The following KCTD14 variants were observed in gnomAD, a reference collection of about 807,000 sequenced individuals.
KCTD14 encodes the protein potassium channel tetramerization domain containing 14, also known as BTB/POZ domain-containing protein KCTD14.
A neutral mutation model predicts 5.9 loss-of-function variants in KCTD14; 7 were observed. The observed-to-expected ratio is 1.19, with a 90% CI of 0.68 to 2.23. The LOEUF is 2.23. Ranked by LOEUF, KCTD14 falls within the 30% of genes most tolerant of loss-of-function variation. The pLI, the probability that KCTD14 is intolerant of heterozygous loss-of-function variation, is 0.00. For missense variants in KCTD14, 342 were observed against 332.2 expected (o/e 1.03, Z -0.23); for synonymous variants, 140 against 133.1 (o/e 1.05, Z -0.36).
intron 1 of KCTD14, among the ~76,000 whole-genome samples, chr11:78,043,094 C>T (rs1006594295): frequency 6.6e-6 from 1 of 152,156 alleles, no homozygotes; most frequent in African/African-American, 2.4e-5. Context: ...AGTGATCCAC[C>T]TGCCTTGGCC....
chr11:78,038,874 G>A (rs1346082248), intron 1 of KCTD14: 1 of 1,211,894 alleles, frequency 8.3e-7, no homozygotes, highest in Non-Finnish European at 1.1e-6. Flanking sequence ...GAACTGGATG[G>A]CTACTGCTGC....
chr11:78,024,380 CA>C (rs56296835), upstream of KCTD14, among the ~76,000 whole-genome samples: 6,047 of 122,818 alleles, frequency 0.049, 381 homozygotes, highest in African/African-American at 0.16. Flanking sequence ...GATTCCCTCT[CA>C]AAAAAAAAAA....
In KCTD14 at chr11:78,016,927, T is replaced by A. The variant is rs759478547; in HGVS notation, c.434A>T (p.Tyr145Phe). The A allele has an allele frequency of 6.2e-7, 1 of 1,614,252 alleles. No individual in the cohort carries two copies. The highest frequency in any genetic ancestry group is 1.1e-5 in the South Asian group (1 of 91,088). Reference sequence around the variant, plus strand: ...CACCATGAGCTCCAGGTTCTCGCTGTAGCCCGGCACTTGCAGCAAAAACTG... The same window carrying A: ...CACCATGAGCTCCAGGTTCTCGCTGAAGCCCGGCACTTGCAGCAAAAACTG... ...RKQFLLQVPGYSENLELMVRL... is the reference protein window; with the variant it reads ...RKQFLLQVPGFSENLELMVRL... The change falls in exon 2 of 2, where the codon TAC (tyrosine) becomes TTC (phenylalanine). Residue 145 changes from tyrosine to phenylalanine, a missense_variant. Coordinates refer to ENST00000353172, the MANE Select transcript of KCTD14 (RefSeq NM_023930.4).
At chr11:78,035,509 G>T (rs903049815) in intron 2 of KCTD14, among the ~76,000 whole-genome samples, 7 of 151,974 alleles carry the variant, frequency 4.6e-5, no homozygotes, top group African/African-American at 1.7e-4. Flanking sequence ...ACTATCTCTT[G>T]TTACTCTCCC....
upstream of KCTD14, chr11:78,023,305 A>G: frequency 6.4e-7 from 1 of 1,566,628 alleles, no homozygotes; most frequent in Non-Finnish European, 8.7e-7. Flanking sequence ...AGGTGGGAAC[A>G]CCGAGGCTCA....
rs144437366 is a variant in KCTD14, at chr11:78,044,119, G to A, written c.-96+1942C>T. On this transcript the variant is annotated intron_variant, in intron 1 of 2. Coordinates refer to the KCTD14 transcript ENST00000533144. ...AATTTCTCTGGACAGAGTTGTCAAC[G>A]TGCTCCCTCAGCCTGTTCCCCAGCC... Among the ~76,000 whole-genome samples, 174 of 152,228 alleles carry A rather than the reference G, an allele frequency of 1.1e-3. 1 individual carries two copies. The highest frequency in any genetic ancestry group is 4.1e-3 in the African/African-American group (170 of 41,554).
upstream of KCTD14, chr11:78,023,290 C>T (rs1414672632): frequency 6.3e-7 from 1 of 1,596,264 alleles, no homozygotes. Flanking sequence ...TGGCTGCCCG[C>T]CCCTAGGTGG....
chr11:78,044,330 G>A (rs1481835779), intron 1 of KCTD14, among the ~76,000 whole-genome samples: 2 of 152,284 alleles, frequency 1.3e-5, no homozygotes, highest in Non-Finnish European at 2.9e-5. Context: ...TGTGCTTCCT[G>A]TGACCCACAT....
At position 78,016,652 on chromosome 11, in the gene KCTD14, G is replaced by T. The variant is rs1174087242; in HGVS notation, c.709C>A (p.Pro237Thr). The change falls in exon 2 of 2, where the codon CCC becomes ACC. Residue 237 changes from proline (P) to threonine (T), a missense_variant. By Grantham distance (38) the Pro-to-Thr change is conservative (BLOSUM62 -1). Transcript: ENST00000353172. ...KVFSKFYLTY[P>T]TKRNEFHFNI... Reference sequence around the variant, plus strand: ...AAATGGAATTCGTTTCTTTTGGTGGGGTACGTCAGGTAGAACTTGGAGAAT... The same window carrying T: ...AAATGGAATTCGTTTCTTTTGGTGGTGTACGTCAGGTAGAACTTGGAGAAT... 6.2e-7 allele frequency: 1 copy of T among 1,614,104 alleles called. No individual in the cohort carries two copies. The highest frequency in any genetic ancestry group is 1.7e-5 in the Admixed American group (1 of 60,016).
rs186742761 is a variant in KCTD14 at position 78,028,586 on chromosome 11, G to C, written c.-1+10078C>G. Among the ~76,000 whole-genome samples, 35 of 140,630 alleles carry C rather than the reference G, an allele frequency of 2.5e-4. 1 individual carries two copies. The highest frequency in any genetic ancestry group is 9.5e-4 in the African/African-American group (35 of 36,792). 92.3% of individuals were successfully genotyped at this position (140,630 alleles called of 152,430 possible). ...CCACTGCATTCCAGCTTTGGCAATA[G>C]AGCAAGTGTCCATCTCAAAAAAAAA... is the stretch of plus-strand genomic sequence containing the variant. On this transcript the variant is annotated intron_variant, in intron 2 of 2. Transcript: ENST00000533144.
upstream of KCTD14, among the ~76,000 whole-genome samples, chr11:78,027,840 A>T (rs1248422176): frequency 6.6e-6 from 1 of 152,138 alleles, no homozygotes; most frequent in African/African-American, 2.4e-5. Flanking sequence ...CTTCAGAGAG[A>T]ATAGATTGCA....
intron 2 of KCTD14, among the ~76,000 whole-genome samples, chr11:78,037,696 G>C (rs1428080778): frequency 2.0e-5 from 3 of 152,152 alleles, no homozygotes; most frequent in African/African-American, 7.2e-5. Context: ...GTGGGTGCCT[G>C]TAATCCCAGC....
chr11:78,034,485 C>T (rs1419820702), intron 2 of KCTD14, among the ~76,000 whole-genome samples: 1 of 152,000 alleles, frequency 6.6e-6, no homozygotes, highest in Non-Finnish European at 1.5e-5. Context: ...CTCTGCCTCT[C>T]TCCTCTCTCT....
upstream of KCTD14, among the ~76,000 whole-genome samples, chr11:78,025,116 G>A (rs71469601): frequency 0.059 from 3,955 of 67,284 alleles, 114 homozygotes; most frequent in Non-Finnish European, 0.078. Flanking sequence ...GTGTGTGTGT[G>A]TGTATATATA....
At chr11:78,027,720 A>G (rs1014593295), upstream of KCTD14, among the ~76,000 whole-genome samples, 5 of 152,092 alleles carry the variant, frequency 3.3e-5, no homozygotes, top group Admixed American at 6.6e-5. Context: ...CTGCTTGCCA[A>G]TGGGTTATTA....
intron 2 of KCTD14, among the ~76,000 whole-genome samples, chr11:78,031,973 T>C (rs1360784219): frequency 1.3e-5 from 2 of 152,206 alleles, no homozygotes; most frequent in African/African-American, 4.8e-5. Flanking sequence ...GGTGAACCAA[T>C]GTGTCCTCCT....
rs1440847789 is a variant in KCTD14 at position 78,016,896 on chromosome 11, C to T, written c.465G>A (p.Leu155=). The change falls in exon 2 of 2, where the codon CTG becomes CTA. Residue 155 remains leucine (L), a synonymous_variant. Transcript: ENST00000353172. The stretch of plus-strand genomic sequence containing the variant: ...GTGCTGTTATGGCTTCTGCACGTGC[C>T]AGGCGCACCATGAGCTCCAGGTTCT... ...YSENLELMVR[L]ARAEAITARK... The T allele has an allele frequency of 6.2e-7, 1 of 1,614,148 alleles. No individual in the cohort carries two copies. Among genetic ancestry groups the T allele is most frequent in the Non-Finnish European group, 8.5e-7 (1 of 1,179,964 alleles).
chr11:78,040,414 C>T (rs561803572), intron 1 of KCTD14, among the ~76,000 whole-genome samples: 9 of 151,934 alleles, frequency 5.9e-5, no homozygotes, highest in African/African-American at 2.2e-4. Flanking sequence ...TCTCTTCTCT[C>T]TTTAACTCTG....
intron 2 of KCTD14, among the ~76,000 whole-genome samples, chr11:78,029,100 G>A (rs762825416): frequency 2.0e-5 from 3 of 151,050 alleles, no homozygotes; most frequent in Non-Finnish European, 2.9e-5. Flanking sequence ...CATGAGAATC[G>A]CTTGAACCCG....
Sources: gnomAD v4.1 joint callset for allele counts (sites outside exome capture counted in the v4.1 genomes callset) on GRCh38, gnomAD v4.1.1 for gene constraint, MANE v1.5 for transcripts, NCBI Gene and HGNC (gene_info 2026-07-23, HGNC 2026-07-21) for gene names.